The following ZBTB2 variants were observed in gnomAD, a reference collection of about 807,000 sequenced individuals.
The protein encoded by ZBTB2 is zinc finger and BTB domain-containing protein 2.
In ZBTB2, 2 loss-of-function variants were observed where a neutral mutation model predicts 39.5. That is an observed-to-expected ratio of 0.05 (90% confidence interval 0.02 to 0.16). The LOEUF (loss-of-function observed/expected upper bound fraction) is 0.16. Ranked by LOEUF, ZBTB2 falls within the 10% of genes least tolerant of loss-of-function variation. The pLI is 1.00. For missense variants in ZBTB2, 391 were observed against 653.0 expected, an observed-to-expected ratio of 0.60 and a Z score of 4.37; for synonymous variants, 251 against 256.6, an observed-to-expected ratio of 0.98 and a Z score of 0.21.
intron 1 of ZBTB2, among the ~76,000 whole-genome samples, chr6:151,373,950 A>C (rs987842094): frequency 6.6e-6 from 1 of 151,590 alleles, no homozygotes; most frequent in East Asian, 1.9e-4. Flanking sequence ...GTAATGGAGA[A>C]GCCAGGAAAT....
At chr6:151,370,620 G>A (rs1344780490) in intron 2 of ZBTB2, among the ~76,000 whole-genome samples, 4 of 152,114 alleles carry the variant, frequency 2.6e-5, no homozygotes, top group Non-Finnish European at 4.4e-5. Flanking sequence ...CATACCACTC[G>A]GAGTAGTAGA....
At chr6:151,384,233 A>G (rs1779102670) in intron 1 of ZBTB2, among the ~76,000 whole-genome samples, 1 of 152,242 alleles carries the variant, frequency 6.6e-6, no homozygotes, top group Non-Finnish European at 1.5e-5. Flanking sequence ...ACGAGGATGG[A>G]GACAGACGTC....
intron 1 of ZBTB2, among the ~76,000 whole-genome samples, chr6:151,374,941 A>C (rs1272485361): frequency 1.3e-5 from 2 of 150,470 alleles, no homozygotes; most frequent in African/African-American, 4.8e-5. Context: ...AAAAAAAAAA[A>C]AAAAAAAAAA....
intron 1 of ZBTB2, among the ~76,000 whole-genome samples, chr6:151,374,417 G>A (rs1298899244): frequency 6.6e-6 from 1 of 152,146 alleles, no homozygotes. Flanking sequence ...CAAATTCTAT[G>A]ATTTTCATTA....
intron 1 of ZBTB2, among the ~76,000 whole-genome samples, chr6:151,381,456 G>C (rs1279521233): frequency 6.6e-6 from 1 of 152,032 alleles, no homozygotes; most frequent in Non-Finnish European, 1.5e-5. Flanking sequence ...GGGAAGTGGA[G>C]GTTGCAGTGA....
At chr6:151,391,258 T>G (rs1411029802) in intron 1 of ZBTB2, among the ~76,000 whole-genome samples, 162 bp downstream of exon 1, 1 of 151,560 alleles carries the variant, frequency 6.6e-6, no homozygotes, top group Non-Finnish European at 1.5e-5. Context: ...CCTGCACCCG[T>G]AGCCCTGGTA....
At chr6:151,373,430 A>G (rs1271888994) in intron 2 of ZBTB2, 35 bp downstream of exon 2, 18 of 1,611,776 alleles carry the variant, frequency 1.1e-5, no homozygotes, top group Non-Finnish European at 1.4e-5. Flanking sequence ...TAAGAAGTCT[A>G]CAGTCATTAG....
chr6:151,371,076 G>A (rs1778780021), intron 2 of ZBTB2, among the ~76,000 whole-genome samples: 1 of 152,156 alleles, frequency 6.6e-6, no homozygotes, highest in African/African-American at 2.4e-5. Context: ...TGTTGAGACT[G>A]CCCAGTACAA....
At position 151,366,790 on chromosome 6, in the gene ZBTB2, C is replaced by A. The variant is rs202133568; in HGVS notation, c.276G>T (p.Pro92=). The change falls in exon 3 of 3, where the codon CCG becomes CCT. Residue 92 remains proline, a synonymous_variant. Coordinates refer to ENST00000325144, the MANE Select transcript of ZBTB2 (RefSeq NM_020861.3). The surrounding 1 kb of genome is among the most constrained non-coding windows in gnomAD (Gnocchi z 7.1). The stretch of plus-strand genomic sequence containing the variant: ...ACTTGATGCCCTGTTCTAATCGAAC[C>A]GGGTCGATGAGCTGAGGCGCCATCT... ...TGKMAPQLID[P]VRLEQGIKFL... 1 of 1,614,008 alleles carries A rather than the reference C, an allele frequency of 6.2e-7. No individual in the cohort carries two copies. The highest frequency in any genetic ancestry group is 8.5e-7 in the Non-Finnish European group (1 of 1,180,000).
Position 151,365,779 on chromosome 6 carries a change from G to A in ZBTB2, c.1287C>T (p.Cys429=). 1.2e-6 allele frequency: 2 copies of A among 1,614,232 alleles called. No homozygotes were observed. Residue 429 remains cysteine (C), a synonymous_variant, in exon 3 of 3, where the codon TGC becomes TGT. Coordinates refer to ENST00000325144, the MANE Select transcript of ZBTB2 (RefSeq NM_020861.3). The surrounding 1 kb of genome is among the most constrained non-coding windows in gnomAD (Gnocchi z 5.6). ...CCATCTGACTCCCTTCCTCAAATGT[G>A]CAGAGTTCCAGAGTCTGTTTGTCCA... ...TMVDKQTLEL[C]TFEEGSQMDN... is the part of the protein sequence containing the mutation.
At chr6:151,379,634 T>C (rs1220683527) in intron 1 of ZBTB2, among the ~76,000 whole-genome samples, 1 of 110,906 alleles carries the variant, frequency 9.0e-6, no homozygotes, top group East Asian at 2.7e-4. Flanking sequence ...TGAGACCCTG[T>C]CTGAAAAAAA....
In ZBTB2 at chr6:151,365,827, C is replaced by G; in HGVS notation, c.1239G>C (p.Gln413His). The G allele has an allele frequency of 6.2e-7, 1 of 1,614,212 alleles. No homozygotes were observed. The highest frequency in any genetic ancestry group is 2.2e-5 in the East Asian group (1 of 44,882). Residue 413 changes from glutamine to histidine, a missense_variant, in exon 3 of 3, where the codon CAG becomes CAC. Gln to His is a conservative substitution (Grantham distance 24, BLOSUM62 0). Around this residue, in one of 7 missense-constraint regions of ZBTB2, gnomAD observed 32 missense variants for 73.5 expected, o/e 0.44. Coordinates refer to ENST00000325144, the MANE Select transcript of ZBTB2 (RefSeq NM_020861.3). The surrounding 1 kb of genome is among the most constrained non-coding windows in gnomAD (Gnocchi z 5.6). ...CCACCATGGTGTAAGTGTCGATGCT[C>G]TGGTTGAGGCACACGTGGCGGGCAG... ...NQAARHVCLNQSIDTYTMVDK... is the reference protein window; with the variant it reads ...NQAARHVCLNHSIDTYTMVDK...
chr6:151,389,985 C>T (rs1434785443), intron 1 of ZBTB2, among the ~76,000 whole-genome samples: 2 of 152,074 alleles, frequency 1.3e-5, no homozygotes, highest in African/African-American at 2.4e-5. Context: ...ACGACGCCGG[C>T]CCCGGGAAGC....
At chr6:151,367,124 T>C (rs1250846007) in intron 2 of ZBTB2, among the ~76,000 whole-genome samples, 3 of 135,058 alleles carry the variant, frequency 2.2e-5, no homozygotes, top group African/African-American at 9.6e-5. Flanking sequence ...AGTAAGTTAA[T>C]TTTTTTTTTT....
intron 1 of ZBTB2, 139 bp downstream of exon 1, chr6:151,391,281 G>T (rs912740400): frequency 1.3e-5 from 2 of 151,902 alleles, no homozygotes; most frequent in African/African-American, 2.4e-5. Context: ...AGGGTCATTC[G>T]TCGTCTTTGT....
intron 1 of ZBTB2, among the ~76,000 whole-genome samples, chr6:151,389,243 G>A (rs1264646810): frequency 2.0e-5 from 3 of 152,094 alleles, no homozygotes; most frequent in Non-Finnish European, 2.9e-5. Flanking sequence ...GCAACATAGC[G>A]AGATCCCTGC....
intron 2 of ZBTB2, among the ~76,000 whole-genome samples, chr6:151,369,829 C>T (rs1453416662): frequency 2.0e-5 from 3 of 151,984 alleles, no homozygotes; most frequent in Non-Finnish European, 2.9e-5. Flanking sequence ...AAAAATTAGC[C>T]GGGCGTGGTG....
chr6:151,373,867 A>AAC (rs1554336595), intron 1 of ZBTB2, among the ~76,000 whole-genome samples: 3 of 149,016 alleles, frequency 2.0e-5, no homozygotes, highest in Non-Finnish European at 3.0e-5. Context: ...AAAAAAAAAA[A>AAC]AAAAAAAAAA....
intron 1 of ZBTB2, among the ~76,000 whole-genome samples, chr6:151,373,870 A>AAAAACAAAACAAAAC (rs1554336609): frequency 3.2e-5 from 4 of 123,568 alleles, no homozygotes; most frequent in African/African-American, 1.4e-4. Context: ...AAAAAAAAAA[A>AAAAACAAAACAAAAC]AAAAAAACCA....
Sources: allele counts gnomAD v4.1 joint callset (sites outside exome capture counted in the v4.1 genomes callset), GRCh38; gene constraint gnomAD v4.1.1; regional missense constraint gnomAD v4.1.1; non-coding constraint Gnocchi (gnomAD v3.1); transcripts MANE v1.5; gene names NCBI Gene and HGNC (gene_info 2026-07-23, HGNC 2026-07-21).